The following OLFM2 variants were observed in gnomAD, a reference collection of about 807,000 sequenced individuals.
OLFM2 encodes the protein noelin-2.
In OLFM2, 20 loss-of-function variants were observed where a neutral mutation model predicts 43.9. The observed-to-expected ratio is 0.46, with a 90% CI of 0.32 to 0.66. The LOEUF (loss-of-function observed/expected upper bound fraction) is 0.66. OLFM2 is among the 30% of genes least tolerant of loss of function. The pLI, the probability that OLFM2 is intolerant of heterozygous loss-of-function variation, is 0.04. For synonymous variants in OLFM2, 268 were observed against 278.6 expected, an observed-to-expected ratio of 0.96 and a Z score of 0.38; for missense variants, 416 against 643.6, an observed-to-expected ratio of 0.65 and a Z score of 3.83.
chr19:9,868,679 G>C (rs555441822), intron 1 of OLFM2, among the ~76,000 whole-genome samples: 1 of 152,006 alleles, frequency 6.6e-6, no homozygotes, highest in African/African-American at 2.4e-5. Context: ...AGTGGCTCAC[G>C]CTTGTAATCC....
intron 1 of OLFM2, among the ~76,000 whole-genome samples, chr19:9,874,328 C>CTTT (rs35985373): frequency 0.78 from 93,814 of 120,140 alleles, 37,868 homozygotes; most frequent in Non-Finnish European, 0.84. Context: ...CCCCACTGGC[C>CTTT]TTTTTTTTTT....
intron 1 of OLFM2, among the ~76,000 whole-genome samples, chr19:9,915,292 G>C (rs2046866363): frequency 6.7e-6 from 1 of 148,992 alleles, no homozygotes; most frequent in Non-Finnish European, 1.5e-5. Flanking sequence ...GCCCAGGCTG[G>C]TCTCGAACCC....
At chr19:9,874,509 C>T (rs1177558836) in intron 1 of OLFM2, among the ~76,000 whole-genome samples, 2 of 151,962 alleles carry the variant, frequency 1.3e-5, no homozygotes, top group African/African-American at 4.8e-5. Context: ...GAGATAGAGT[C>T]TCCCTCTGTC....
At chr19:9,919,175 T>C (rs1376767579) in intron 1 of OLFM2, among the ~76,000 whole-genome samples, 1 of 129,730 alleles carries the variant, frequency 7.7e-6, no homozygotes, top group African/African-American at 2.9e-5. Flanking sequence ...CATTTCTCTC[T>C]CTTTTTTTTG....
intron 1 of OLFM2, among the ~76,000 whole-genome samples, chr19:9,916,073 G>A (rs771930173): frequency 1.5e-4 from 23 of 152,252 alleles, no homozygotes; most frequent in Non-Finnish European, 2.5e-4. Context: ...GTTATTATTT[G>A]AGGCCGGGCA....
intron 2 of OLFM2, among the ~76,000 whole-genome samples, chr19:9,858,971 G>A (rs1045470628): frequency 1.3e-5 from 2 of 152,038 alleles, no homozygotes; most frequent in African/African-American, 4.8e-5. Context: ...ACCCTCACCT[G>A]GCTAAGGTAG....
intron 1 of OLFM2, among the ~76,000 whole-genome samples, chr19:9,861,203 G>GTT (rs113853813): frequency 0.11 from 13,661 of 129,474 alleles, 711 homozygotes; most frequent in Middle Eastern, 0.15. Flanking sequence ...GCCACTTAAT[G>GTT]TTTTTTTTTT....
chr19:9,908,364 T>C (rs957471311), intron 1 of OLFM2, among the ~76,000 whole-genome samples: 1 of 151,560 alleles, frequency 6.6e-6, no homozygotes, highest in Non-Finnish European at 1.5e-5. Context: ...TGGAGTGCAA[T>C]GGCGCGATCT....
At chr19:9,885,059 T>A (rs1432426938) in intron 1 of OLFM2, among the ~76,000 whole-genome samples, 1 of 152,162 alleles carries the variant, frequency 6.6e-6, no homozygotes, top group Non-Finnish European at 1.5e-5. Flanking sequence ...AGTGTAGCTG[T>A]GAAGCACATG....
Position 9,858,237 on chromosome 19 carries a change from C to T in OLFM2, c.214-376G>A, listed in dbSNP as rs564110600. On this transcript the variant is annotated intron_variant, in intron 2 of 5. Transcript: ENST00000264833. ...GCTGGCTGGTCCTGCCCACCCCCCCCGCCCAACCCACTTCCTCTCTCTTTG... is the reference window on the plus strand; with the variant it reads ...GCTGGCTGGTCCTGCCCACCCCCCCTGCCCAACCCACTTCCTCTCTCTTTG... 3.4e-5 allele frequency: 12 copies of T among 352,136 alleles called. No homozygotes were observed. In the Middle Eastern group the frequency reaches 3.0e-3, roughly 87 times the overall value. The allele number at this position is 352,136 out of a possible 1,614,324, so 21.8% of individuals were successfully genotyped here.
At chr19:9,892,672 G>C (rs909475574) in intron 1 of OLFM2, among the ~76,000 whole-genome samples, 4 of 152,116 alleles carry the variant, frequency 2.6e-5, no homozygotes, top group Non-Finnish European at 5.9e-5. Flanking sequence ...CAGCCTGGGT[G>C]ACAGAGCAAG....
At chr19:9,931,682 A>C (rs10414010) in intron 1 of OLFM2, among the ~76,000 whole-genome samples, 42,727 of 147,584 alleles carry the variant, frequency 0.29, 7,600 homozygotes, top group African/African-American at 0.5. Flanking sequence ...GTACTCCAGC[A>C]TGGGTGACAG....
intron 1 of OLFM2, among the ~76,000 whole-genome samples, chr19:9,914,652 C>T (rs537878957): frequency 2.0e-5 from 3 of 151,436 alleles, no homozygotes; most frequent in Non-Finnish European, 2.9e-5. Flanking sequence ...GGACCTTCCT[C>T]GCGGCCCCGG....
intron 1 of OLFM2, among the ~76,000 whole-genome samples, chr19:9,930,831 C>T (rs1328805419): frequency 2.6e-5 from 4 of 151,978 alleles, no homozygotes; most frequent in Admixed American, 6.6e-5. Context: ...CCAGTGTGGA[C>T]GACACAGCAA....
chr19:9,860,895 G>C lies in OLFM2; in HGVS notation c.64-101C>G, dbSNP rs118067805. Reference sequence around the variant, plus strand: ...CCCAAGGAAACCACAGATGCCCTTTGCTGGGCTCCGGGCATATGCCAGTGC... The same window carrying C: ...CCCAAGGAAACCACAGATGCCCTTTCCTGGGCTCCGGGCATATGCCAGTGC... On this transcript the variant is annotated intron_variant, in intron 1 of 5. Coordinates refer to ENST00000264833, the MANE Select transcript of OLFM2 (RefSeq NM_058164.4). 1,032 of 1,258,024 alleles carry C rather than the reference G, an allele frequency of 8.2e-4. 17 individuals are homozygous for C. In the East Asian group the frequency reaches 0.025, roughly 30 times the overall value. 77.9% of individuals were successfully genotyped at this position (1,258,024 alleles called of 1,614,324 possible). A position where few individuals can be genotyped will look rare whatever the true frequency, so the allele number is the denominator to read the frequency against.
At chr19:9,875,514 CTT>C (rs35244050) in intron 1 of OLFM2, among the ~76,000 whole-genome samples, 4 of 142,944 alleles carry the variant, frequency 2.8e-5, no homozygotes, top group African/African-American at 5.1e-5. Flanking sequence ...GAATTAGCAG[CTT>C]TTTTTTTTTT....
At chr19:9,862,813 A>G (rs1036256961) in intron 1 of OLFM2, among the ~76,000 whole-genome samples, 5 of 152,046 alleles carry the variant, frequency 3.3e-5, no homozygotes, top group Non-Finnish European at 4.4e-5. Flanking sequence ...CGTCTCTACT[A>G]AAAATACAAA....
chr19:9,924,311 TAGG>T (rs1440475256), intron 1 of OLFM2, among the ~76,000 whole-genome samples: 1 of 134,342 alleles, frequency 7.4e-6, no homozygotes, highest in African/African-American at 2.8e-5. Flanking sequence ...GAAGCTGAGG[TAGG>T]AGAATGGCGT....
Position 9,853,999 on chromosome 19 carries a change from AAGG to A in OLFM2, c.*184_*186del, listed in dbSNP as rs2046291749. 1.7e-6 allele frequency: 1 copy of A among 605,142 alleles called. No homozygotes were observed. The highest frequency in any genetic ancestry group is 4.4e-4 in the Middle Eastern group (1 of 2,298). The allele number at this position is 605,142 out of a possible 1,614,324, so 37.5% of individuals were successfully genotyped here. A position where few individuals can be genotyped will look rare whatever the true frequency, so the allele number is the denominator to read the frequency against. ...GGTGTATTAAAAGCAGAGATCAATA[AAGG>A]AGAAGAGGGGAAATTGAAAAAATAG... On this transcript the variant is annotated 3_prime_UTR_variant, in exon 6 of 6. Coordinates refer to ENST00000264833, the MANE Select transcript of OLFM2 (RefSeq NM_058164.4).
Sources: allele counts gnomAD v4.1 joint callset (sites outside exome capture counted in the v4.1 genomes callset), GRCh38; gene constraint gnomAD v4.1.1; transcripts MANE v1.5; gene names NCBI Gene and HGNC (gene_info 2026-07-23, HGNC 2026-07-21).